Variants in CLTC observed in about 807,000 individuals in gnomAD.
The protein encoded by CLTC is clathrin heavy chain 1.
A neutral mutation model predicts 195.8 loss-of-function variants in CLTC; 16 were observed. That is an observed-to-expected ratio of 0.08 (90% CI 0.06 to 0.12). The LOEUF is 0.12. Ranked by LOEUF, CLTC falls within the 10% of genes least tolerant of loss-of-function variation. CLTC has a pLI of 1.00. For missense variants in CLTC, 796 were observed against 2,027.0 expected, an observed-to-expected ratio of 0.39 and a Z score of 11.66; for synonymous variants, 667 against 689.4, an observed-to-expected ratio of 0.97 and a Z score of 0.51.
At chr17:59,631,454 A>T (rs1185270037) in intron 1 of CLTC, among the ~76,000 whole-genome samples, 1 of 152,158 alleles carries the variant, frequency 6.6e-6, no homozygotes, top group Non-Finnish European at 1.5e-5. Flanking sequence ...AATACTAGAA[A>T]TTTTTTTCTG....
intron 5 of CLTC, among the ~76,000 whole-genome samples, chr17:59,654,980 A>C (rs929793947): frequency 6.6e-6 from 1 of 152,224 alleles, no homozygotes; most frequent in African/African-American, 2.4e-5. Flanking sequence ...GCACCAGTGC[A>C]CTTTCTGCAT....
intron 8 of CLTC, among the ~76,000 whole-genome samples, chr17:59,661,858 T>C (rs941503986): frequency 1.3e-5 from 2 of 152,074 alleles, no homozygotes; most frequent in Non-Finnish European, 1.5e-5. Context: ...ATCCCAGCAC[T>C]TTGGGAGGCC....
In CLTC at chr17:59,661,426, A is replaced by G. The variant is rs1342800771; in HGVS notation, c.1168-17A>G. The G allele has an allele frequency of 3.8e-5, 61 of 1,607,790 alleles. 1 individual carries two copies. The Admixed American group carries it at 9.7e-4, about 25-fold the overall frequency. ...CTTACACTTTCGAAGAGCGTTTAAC[A>G]TTTCTCCTTCTTAAAGGGAATTCTT... On this transcript the variant is annotated splice_polypyrimidine_tract_variant and intron_variant, in intron 7 of 31. Coordinates refer to ENST00000269122, the MANE Select transcript of CLTC (RefSeq NM_004859.4).
intron 8 of CLTC, among the ~76,000 whole-genome samples, chr17:59,662,643 G>GA (rs1198785945): frequency 6.6e-6 from 1 of 152,142 alleles, no homozygotes; most frequent in African/African-American, 2.4e-5. Flanking sequence ...TTAATTCTAA[G>GA]TCCTTGTTTC....
At chr17:59,689,132 A>T (rs1185902428) in intron 30 of CLTC, 1 of 152,194 alleles carries the variant, frequency 6.6e-6, no homozygotes, top group Non-Finnish European at 1.5e-5. Context: ...ATAATAGTGT[A>T]TAAAAGTAAA....
chr17:59,661,515 C>G lies in CLTC; in HGVS notation c.1240C>G (p.Leu414Val). The G allele has an allele frequency of 6.2e-7, 1 of 1,614,158 alleles. No homozygotes were observed. Among genetic ancestry groups the G allele is most frequent in the Non-Finnish European group, 8.5e-7 (1 of 1,179,994 alleles). The change falls in exon 8 of 32, where the codon CTA (leucine) becomes GTA (valine). Residue 414 changes from leucine (L) to valine (V), a missense_variant. Leu to Val is a conservative substitution (Grantham distance 32). This residue lies in a region of CLTC where 293 missense variants were observed against 795.6 expected (regional missense o/e 0.37). Transcript: ENST00000269122. ...VPAQPGQTSPLLQYFGILLDQ... is the reference protein window; with the variant it reads ...VPAQPGQTSPVLQYFGILLDQ... ...AGCCCAGCCAGGTCAAACTTCTCCT[C>G]TACTTCAGTACTTTGGTATCCTTTT... is the stretch of plus-strand genomic sequence containing the variant.
intron 2 of CLTC, among the ~76,000 whole-genome samples, chr17:59,645,228 G>A (rs1331313215): frequency 6.6e-6 from 1 of 151,570 alleles, no homozygotes; most frequent in Non-Finnish European, 1.5e-5. Context: ...TTTATACTTC[G>A]GGCTTGTGTT....
Position 59,666,919 on chromosome 17 carries a change from T to C in CLTC, c.2070T>C (p.His690=), listed in dbSNP as rs775987197. ...QICVQVASKY[H]EQLSTQSLIE... is the part of the protein sequence containing the mutation. ...GTGTTCAGGTGGCTTCTAAATATCATGAACAACTGTCAACTCAGTCTCTGA... is the reference window on the plus strand; with the variant it reads ...GTGTTCAGGTGGCTTCTAAATATCACGAACAACTGTCAACTCAGTCTCTGA... The change falls in exon 13 of 32, where the codon CAT becomes CAC. Residue 690 remains histidine, a synonymous_variant. Transcript: ENST00000269122. The surrounding 1 kb of genome is among the most constrained non-coding windows in gnomAD (Gnocchi z 4.9). 83 of 1,613,916 alleles carry C rather than the reference T, an allele frequency of 5.1e-5. No individual in the cohort carries two copies. Among genetic ancestry groups the C allele is most frequent in the Non-Finnish European group, 6.9e-5 (82 of 1,179,942 alleles).
At chr17:59,688,568 C>T (rs2033232962) in intron 30 of CLTC, among the ~76,000 whole-genome samples, 1 of 152,046 alleles carries the variant, frequency 6.6e-6, no homozygotes, top group Non-Finnish European at 1.5e-5. Flanking sequence ...ATTGAAAGTC[C>T]CTGTGCCAGA....
chr17:59,694,444 A>G lies in CLTC; in HGVS notation c.*592A>G, dbSNP rs949479418. 1 of 224,808 alleles carries G rather than the reference A, an allele frequency of 4.4e-6. No homozygotes were observed. The allele number at this position is 224,808 out of a possible 1,614,324, so 13.9% of individuals were successfully genotyped here. A position where few individuals can be genotyped will look rare whatever the true frequency, so the allele number is the denominator to read the frequency against. On this transcript the variant is annotated 3_prime_UTR_variant, in exon 32 of 32. Transcript: ENST00000269122. ...TTTAAATGAGCGTAAAAGGCCCTCT[A>G]ACCTATGCAGGTTTCCCCATTATGC... is the stretch of plus-strand genomic sequence containing the variant.
intron 5 of CLTC, among the ~76,000 whole-genome samples, chr17:59,653,647 G>C (rs919034519): frequency 1.3e-5 from 2 of 151,954 alleles, no homozygotes; most frequent in Non-Finnish European, 2.9e-5. Flanking sequence ...GGAACTCCTG[G>C]GCTCAACTGA....
Position 59,673,712 on chromosome 17 carries a change from T to C in CLTC, c.2358T>C (p.Asp786=). ...GTGATCGATTTGACTTTGTCCATGA[T>C]TTGGTGCTCTATTTATATAGAAATA... ...IVCDRFDFVH[D]LVLYLYRNNL... Residue 786 remains aspartate (D), a synonymous_variant, in exon 15 of 32, where the codon GAT becomes GAC. Coordinates refer to ENST00000269122, the MANE Select transcript of CLTC (RefSeq NM_004859.4). 3 of 1,553,444 alleles carry C rather than the reference T, an allele frequency of 1.9e-6. No individual in the cohort carries two copies. The highest frequency in any genetic ancestry group is 2.7e-6 in the Non-Finnish European group (3 of 1,125,074).
At chr17:59,646,865 A>G (rs542003545) in intron 2 of CLTC, among the ~76,000 whole-genome samples, 2 of 152,318 alleles carry the variant, frequency 1.3e-5, no homozygotes, top group South Asian at 4.1e-4. Context: ...TAAATGTAGC[A>G]GGCACTTCTC....
intron 30 of CLTC, among the ~76,000 whole-genome samples, chr17:59,687,787 T>C (rs377190521): frequency 1.1e-3 from 166 of 152,338 alleles, no homozygotes; most frequent in Middle Eastern, 3.4e-3. Context: ...AAATTTGCTC[T>C]CCTATTTATC....
At chr17:59,626,872 A>T (rs1033392600) in intron 1 of CLTC, among the ~76,000 whole-genome samples, 1 of 152,074 alleles carries the variant, frequency 6.6e-6, no homozygotes, top group Non-Finnish European at 1.5e-5. Flanking sequence ...CCTTAAATTA[A>T]GACATAATTT....
chr17:59,640,215 CTAT>C (rs541026618), intron 1 of CLTC, among the ~76,000 whole-genome samples: 46 of 152,158 alleles, frequency 3.0e-4, no homozygotes, highest in African/African-American at 1.1e-3. Flanking sequence ...GTGACTTGTC[CTAT>C]TATTGTGTGC....
chr17:59,657,206 C>T (rs1286452070), intron 6 of CLTC, among the ~76,000 whole-genome samples: 1 of 152,034 alleles, frequency 6.6e-6, no homozygotes, highest in East Asian at 1.9e-4. Context: ...AAAGGGAGTG[C>T]ATCCCTACCT....
Position 59,648,343 on chromosome 17 carries a change from G to A in CLTC, c.623G>A (p.Gly208Glu). The change falls in exon 4 of 32, where the codon GGA becomes GAA. Residue 208 changes from glycine to glutamate, a missense_variant. By Grantham distance (98) the Gly-to-Glu change is moderately conservative. Around this residue, in one of 9 missense-constraint regions of CLTC, gnomAD observed 293 missense variants for 795.6 expected, o/e 0.37. Transcript: ENST00000269122. The surrounding 1 kb of genome is among the most constrained non-coding windows in gnomAD (Gnocchi z 4.5). ...AASFAQFKME[G>E]NAEESTLFCF... ...AGCTTTGCACAGTTTAAGATGGAAG[G>A]AAATGCAGAAGAATCAACGTTATTT... 6.2e-7 allele frequency: 1 copy of A among 1,614,162 alleles called. No homozygotes were observed. The highest frequency in any genetic ancestry group is 2.2e-5 in the East Asian group (1 of 44,878).
chr17:59,690,778 CAAAAT>C (rs751656143), intron 31 of CLTC, 67 bp downstream of exon 31: 1 of 1,206,910 alleles, frequency 8.3e-7, no homozygotes, highest in East Asian at 2.4e-5. Flanking sequence ...GACTGTGCCT[CAAAAT>C]AGAATACAAC....
Sources: allele counts gnomAD v4.1 joint callset (sites outside exome capture counted in the v4.1 genomes callset), GRCh38; gene constraint gnomAD v4.1.1; regional missense constraint gnomAD v4.1.1; non-coding constraint Gnocchi (gnomAD v3.1); transcripts MANE v1.5; gene names NCBI Gene and HGNC (gene_info 2026-07-23, HGNC 2026-07-21).